LRRC74A: variants seen among roughly 807,000 people sequenced by gnomAD.
The protein encoded by LRRC74A is leucine rich repeat containing 74A.
LRRC74A carries 44 observed loss-of-function variants against 57.9 expected under a neutral mutation model. The observed-to-expected ratio is 0.76, with a 90% CI of 0.60 to 0.98. The LOEUF is 0.98. Ranked by LOEUF, LRRC74A falls within the 50% of genes least tolerant of loss-of-function variation. LRRC74A has a pLI of 0.00. For synonymous variants in LRRC74A, 211 were observed against 219.4 expected (o/e 0.96, Z 0.34); for missense variants, 572 against 574.0 (o/e 1.00, Z 0.04).
chr14:76,855,231 T>C (rs1462947120), intron 9 of LRRC74A, among the ~76,000 whole-genome samples: 2 of 152,104 alleles, frequency 1.3e-5, no homozygotes, highest in Non-Finnish European at 2.9e-5. Flanking sequence ...CCAGGAGATC[T>C]GGGAGTCCCA....
At position 76,852,346 on chromosome 14, in the gene LRRC74A, G is replaced by A. The variant is rs142240264; in HGVS notation, c.677-19G>A. ...TCTGGGCTGTGGGAGATGCTAAGCC[G>A]ATTCCCTCCCTGTTTCAGCCATCAA... On this transcript the variant is annotated intron_variant, in intron 7 of 13. Coordinates refer to ENST00000689127, the MANE Select transcript of LRRC74A (RefSeq NM_001385106.1). 17,564 of 1,584,576 alleles carry A rather than the reference G, an allele frequency of 0.011. 125 individuals are homozygous for A. Among genetic ancestry groups the A allele is most frequent in the Non-Finnish European group, 0.014 (15,899 of 1,156,512 alleles).
chr14:76,864,419 G>C (rs1898590665), intron 11 of LRRC74A, among the ~76,000 whole-genome samples: 4 of 124,498 alleles, frequency 3.2e-5, no homozygotes, highest in Non-Finnish European at 6.9e-5. Context: ...AAGGGGGGGG[G>C]GGGGTGGCGG....
In LRRC74A at chr14:76,864,725, A is replaced by G. The variant is rs138768760; in HGVS notation, c.1201-1243A>G. ...AAAAATAGGCTGTGCATGATGGCGC[A>G]TGCCTGTAATCCCAGCTACCCGGGA... is the stretch of plus-strand genomic sequence containing the variant. On this transcript the variant is annotated intron_variant, in intron 11 of 13. Transcript: ENST00000689127. Among the ~76,000 whole-genome samples, 268 of 152,210 alleles carry G rather than the reference A, an allele frequency of 1.8e-3. 1 individual carries two copies. The highest frequency in any genetic ancestry group is 5.8e-3 in the African/African-American group (242 of 41,532).
chr14:76,867,644 C>A (rs1371406735), intron 13 of LRRC74A, among the ~76,000 whole-genome samples: 3 of 152,212 alleles, frequency 2.0e-5, no homozygotes, highest in African/African-American at 4.8e-5. Flanking sequence ...CCCAATCAGG[C>A]GCTGCTGGCT....
intron 3 of LRRC74A, 146 bp from the exon 4 acceptor site, chr14:76,836,061 T>G (rs1896306890): frequency 1.6e-6 from 1 of 624,602 alleles, no homozygotes; most frequent in Non-Finnish European, 2.9e-6. Flanking sequence ...CAGCCCCCGT[T>G]CTGGTCTCCT....
At chr14:76,866,702 A>G (rs989451353) in intron 12 of LRRC74A, among the ~76,000 whole-genome samples, 1 of 151,896 alleles carries the variant, frequency 6.6e-6, no homozygotes, top group African/African-American at 2.4e-5. Context: ...CACAGGATGC[A>G]AAGGAGAGTC....
intron 13 of LRRC74A, among the ~76,000 whole-genome samples, chr14:76,869,570 G>T (rs958165861): frequency 2.6e-5 from 4 of 152,090 alleles, no homozygotes; most frequent in Non-Finnish European, 5.9e-5. Context: ...GGCCAAGATG[G>T]TGAAACCCCC....
At chr14:76,841,248 G>A (rs1595360535) in intron 5 of LRRC74A, among the ~76,000 whole-genome samples, 1 of 152,068 alleles carries the variant, frequency 6.6e-6, no homozygotes, top group Middle Eastern at 3.4e-3. Flanking sequence ...TGCCATGTTG[G>A]CCAGGCTGGT....
At chr14:76,857,874 T>C (rs1898021394) in intron 10 of LRRC74A, among the ~76,000 whole-genome samples, 2 of 152,162 alleles carry the variant, frequency 1.3e-5, no homozygotes, top group Admixed American at 1.3e-4. Context: ...TTAAAACACA[T>C]ACTTTATTTT....
chr14:76,863,838 A>G (rs1898526182), intron 11 of LRRC74A, among the ~76,000 whole-genome samples: 1 of 152,268 alleles, frequency 6.6e-6, no homozygotes, highest in South Asian at 2.1e-4. Flanking sequence ...AGTTGCCAAG[A>G]GTTGCTGCTT....
chr14:76,838,006 G>A (rs772976520), intron 5 of LRRC74A, 35 bp downstream of exon 5: 3 of 1,320,950 alleles, frequency 2.3e-6, no homozygotes, highest in Non-Finnish European at 3.2e-6. Flanking sequence ...AAGACACTGG[G>A]AATCAGAGGG....
chr14:76,826,472 C>G lies in LRRC74A; in HGVS notation c.-226C>G, dbSNP rs1895577727. 1 of 1,520,502 alleles carries G rather than the reference C, an allele frequency of 6.6e-7. No individual in the cohort carries two copies. Among genetic ancestry groups the G allele is most frequent in the African/African-American group, 1.4e-5 (1 of 72,890 alleles). 94.2% of individuals were successfully genotyped at this position (1,520,502 alleles called of 1,614,324 possible). On this transcript the variant is annotated 5_prime_UTR_variant, in exon 1 of 14. Transcript: ENST00000689127. ...TGAGCTGGAGAAGTAGCTACCTCTC[C>G]CAGACAGAGTTGGGGTCAAATTCAT...
chr14:76,844,282 C>T (rs1419637134), intron 5 of LRRC74A, 141 bp from the exon 6 acceptor site: 6 of 750,528 alleles, frequency 8.0e-6, no homozygotes, highest in African/African-American at 3.5e-5. Context: ...GGATTACAGG[C>T]GTAAGCCAAT....
intron 4 of LRRC74A, 27 bp from the exon 5 acceptor site, chr14:76,837,848 A>C: frequency 6.5e-4 from 918 of 1,406,080 alleles, no homozygotes; most frequent in Non-Finnish European, 8.4e-4. Flanking sequence ...GCTTTTTTAC[A>C]TACCGAAGTG....
intron 2 of LRRC74A, among the ~76,000 whole-genome samples, chr14:76,830,660 GTTTGCCATTTTGA>G (rs1202708966): frequency 6.6e-6 from 1 of 152,208 alleles, no homozygotes; most frequent in Non-Finnish European, 1.5e-5. Context: ...ATATTCACTG[GTTTGCCATTTTGA>G]GAAGTCCACT....
In LRRC74A at chr14:76,865,928, A is replaced by C; in HGVS notation, c.1201-40A>C. On this transcript the variant is annotated intron_variant, in intron 11 of 13. Transcript: ENST00000689127. Reference sequence around the variant, plus strand: ...AGGGGGACCTGCGATCGTTGTTACAAGACCAAGTGTTTGCTCCTGGTCTCT... The same window carrying C: ...AGGGGGACCTGCGATCGTTGTTACACGACCAAGTGTTTGCTCCTGGTCTCT... The C allele has an allele frequency of 4.2e-6, 6 of 1,443,236 alleles. 1 individual carries two copies. In the Middle Eastern group the frequency reaches 1.1e-3, roughly 256 times the overall value. The allele number at this position is 1,443,236 out of a possible 1,614,324, so 89.4% of individuals were successfully genotyped here.
Position 76,840,249 on chromosome 14 carries a change from C to G in LRRC74A, c.544+2278C>G, listed in dbSNP as rs900259811. On this transcript the variant is annotated intron_variant, in intron 5 of 13. Coordinates refer to ENST00000689127, the MANE Select transcript of LRRC74A (RefSeq NM_001385106.1). ...ATTGCTTGAGCCCAGGACTGGCCCC[C>G]CTGGGCAACATAGCAAGACCCCATC... is the stretch of plus-strand genomic sequence containing the variant. 5.3e-5 allele frequency among the ~76,000 whole-genome samples: 8 copies of G among 152,058 alleles called. No homozygotes were observed. In the South Asian group the frequency reaches 8.3e-4, roughly 16 times the overall value.
chr14:76,851,387 T>C (rs1013754240), intron 7 of LRRC74A, among the ~76,000 whole-genome samples: 13 of 152,254 alleles, frequency 8.5e-5, no homozygotes, highest in African/African-American at 3.1e-4. Flanking sequence ...AGATGCAGTC[T>C]TGCTCTGTCA....
intron 12 of LRRC74A, 34 bp downstream of exon 12, chr14:76,866,109 T>C (rs1196043037): frequency 7.3e-7 from 1 of 1,375,204 alleles, no homozygotes; most frequent in Non-Finnish European, 1.0e-6. Context: ...AGGCTGTGTG[T>C]GAGTGTGAGT....
Sources: gnomAD v4.1 joint callset for allele counts (sites outside exome capture counted in the v4.1 genomes callset) on GRCh38, gnomAD v4.1.1 for gene constraint, MANE v1.5 for transcripts, NCBI Gene and HGNC (gene_info 2026-07-23, HGNC 2026-07-21) for gene names.